SPO11: variants seen among roughly 807,000 people sequenced by gnomAD.
The protein encoded by SPO11 is SPO11 initiator of meiotic double strand breaks.
A neutral mutation model predicts 51.6 loss-of-function variants in SPO11; 49 were observed. The observed-to-expected ratio is 0.95, with a 90% CI of 0.75 to 1.20. SPO11 has a LOEUF of 1.20. Among genes scored for constraint, SPO11 ranks in the 50% most tolerant of loss-of-function variants. The pLI is 0.00. For synonymous variants in SPO11, 176 were observed against 158.2 expected, an observed-to-expected ratio of 1.11 and a Z score of -0.84; for missense variants, 431 against 473.4, an observed-to-expected ratio of 0.91 and a Z score of 0.83.
intron 10 of SPO11, among the ~76,000 whole-genome samples, chr20:57,339,851 G>A (rs922065614): frequency 2.6e-5 from 4 of 152,060 alleles, no homozygotes; most frequent in East Asian, 1.9e-4. Flanking sequence ...CCATCCTCCC[G>A]CCTTGGTCTC....
chr20:57,333,046 C>G (rs2066467978), intron 2 of SPO11, 142 bp from the exon 3 acceptor site: 1 of 593,036 alleles, frequency 1.7e-6, no homozygotes, highest in Non-Finnish European at 2.9e-6. Context: ...TGCTCTCAAA[C>G]CAGTTGATCC....
At chr20:57,336,458 C>T (rs116286539) in intron 8 of SPO11, among the ~76,000 whole-genome samples, 228 of 152,320 alleles carry the variant, frequency 1.5e-3, no homozygotes, top group African/African-American at 5.2e-3. Flanking sequence ...AATTATCTCT[C>T]ATCCCTGCCA....
Position 57,333,724 on chromosome 20 carries a change from A to G in SPO11, c.372A>G (p.Leu124=), listed in dbSNP as rs747819852. The G allele has an allele frequency of 9.2e-6, 14 of 1,513,838 alleles. No individual in the cohort carries two copies. Among genetic ancestry groups the G allele is most frequent in the Middle Eastern group, 1.7e-4 (1 of 5,874 alleles). 93.8% of individuals were successfully genotyped at this position (1,513,838 alleles called of 1,614,324 possible). Residue 124 remains leucine, a synonymous_variant, in exon 4 of 13, where the codon TTA becomes TTG. Transcript: ENST00000371263. ...ILKILSMIYK[L]VQSNTYATKR... is the part of the protein sequence containing the mutation. ...AAATATTGTCCATGATTTATAAATT[A>G]GTACAGAGCAACACTTATGCAACCA...
chr20:57,332,325 G>A, intron 2 of SPO11, among the ~76,000 whole-genome samples: 1 of 152,282 alleles, frequency 6.6e-6, no homozygotes, highest in Non-Finnish European at 1.5e-5. Context: ...CAAACCACTT[G>A]CTCAGGGGAA....
rs1421922767 is a variant in SPO11 at position 57,335,799 on chromosome 20, TTTAG to T, written c.640_643del (p.Val214GlnfsTer7). 6.3e-7 allele frequency: 1 copy of T among 1,582,420 alleles called. No homozygotes were observed. The highest frequency in any genetic ancestry group is 8.7e-7 in the Non-Finnish European group (1 of 1,153,388). On this transcript the variant is annotated frameshift_variant and splice_region_variant, in exon 8 of 13. Transcript: ENST00000371263. LOFTEE classifies it high-confidence loss of function. ...AATTTATCAGCCTTAACTTCACAGA[TTTAG>T]TTACAGATGCAAAGTTTGTATTAAT...
Position 57,331,837 on chromosome 20 carries a change from G to C in SPO11, c.136G>C (p.Glu46Gln). ...TGGSRLASSS[E>Q]VLASIENIIQ... ...ATGCTCTGTTTATTGTTTCAGTTCT[G>C]AGGTTCTTGCATCTATAGAAAATAT... Residue 46 changes from glutamate to glutamine, a missense_variant, in exon 2 of 13, where the codon GAG becomes CAG. Glu to Gln is a conservative substitution (Grantham distance 29). Around this residue, in one of 3 missense-constraint regions of SPO11, gnomAD observed 405 missense variants for 425.9 expected, o/e 0.95. Coordinates refer to ENST00000371263, the MANE Select transcript of SPO11 (RefSeq NM_012444.3). 1 of 1,557,950 alleles carries C rather than the reference G, an allele frequency of 6.4e-7. No individual in the cohort carries two copies. Among genetic ancestry groups the C allele is most frequent in the Non-Finnish European group, 8.7e-7 (1 of 1,149,996 alleles).
chr20:57,333,560 C>A, intron 3 of SPO11, 127 bp from the exon 4 acceptor site: 1 of 676,824 alleles, frequency 1.5e-6, no homozygotes, highest in South Asian at 1.8e-5. Context: ...CTGTACTTAA[C>A]CCTCCCATTT....
Position 57,335,925 on chromosome 20 carries a change from A to G in SPO11, c.744+18A>G. On this transcript the variant is annotated intron_variant, in intron 8 of 12. Coordinates refer to ENST00000371263, the MANE Select transcript of SPO11 (RefSeq NM_012444.3). ...TGATTACGGTATATTATCTAACTTTACTACAATTCCAAGACTAATGTATAC... is the reference window on the plus strand; with the variant it reads ...TGATTACGGTATATTATCTAACTTTGCTACAATTCCAAGACTAATGTATAC... The G allele has an allele frequency of 7.0e-7, 1 of 1,420,252 alleles. No homozygotes were observed. The highest frequency in any genetic ancestry group is 9.9e-7 in the Non-Finnish European group (1 of 1,005,592). 88.0% of individuals were successfully genotyped at this position (1,420,252 alleles called of 1,614,324 possible). A position where few individuals can be genotyped will look rare whatever the true frequency, so the allele number is the denominator to read the frequency against.
rs779238568 is a variant in SPO11, at chr20:57,335,441, T to G, written c.620T>G (p.Ile207Ser). The change falls in exon 7 of 13, where the codon ATT becomes AGT. Residue 207 changes from isoleucine to serine, a missense_variant. Around this residue, in one of 3 missense-constraint regions of SPO11, gnomAD observed 405 missense variants for 425.9 expected, o/e 0.95. Transcript: ENST00000371263. Reference sequence around the variant, plus strand: ...AAGGCTGTTGCTGTGCCATCGAATATTCAAGGAATTCGGAGTATCCTTTAA... The same window carrying G: ...AAGGCTGTTGCTGTGCCATCGAATAGTCAAGGAATTCGGAGTATCCTTTAA... ...GATAVAVPSN[I>S]QGIRNLVTDA... 1.9e-6 allele frequency: 3 copies of G among 1,610,950 alleles called. No individual in the cohort carries two copies. Among genetic ancestry groups the G allele is most frequent in the East Asian group, 4.5e-5 (2 of 44,830 alleles).
intron 2 of SPO11, among the ~76,000 whole-genome samples, chr20:57,332,488 G>A (rs1447457937): frequency 1.3e-5 from 2 of 152,144 alleles, no homozygotes; most frequent in African/African-American, 4.8e-5. Context: ...CTTGAACCTA[G>A]TTATACCGGT....
Position 57,343,466 on chromosome 20 carries a change from A to T in SPO11, c.*6A>T. On this transcript the variant is annotated 3_prime_UTR_variant, in exon 13 of 13. Transcript: ENST00000371263. The stretch of plus-strand genomic sequence containing the variant: ...AATTTGGAGGATGGATATAAAAATA[A>T]ATCAGAAGAACTTCTGATTGCCAGA... 1 of 1,587,466 alleles carries T rather than the reference A, an allele frequency of 6.3e-7. No homozygotes were observed. The highest frequency in any genetic ancestry group is 8.5e-7 in the Non-Finnish European group (1 of 1,172,200).
Position 57,329,964 on chromosome 20 carries a change from G to C in SPO11, c.97G>C (p.Glu33Gln). 1 of 1,610,780 alleles carries C rather than the reference G, an allele frequency of 6.2e-7. No homozygotes were observed. Among genetic ancestry groups the C allele is most frequent in the Non-Finnish European group, 8.5e-7 (1 of 1,179,116 alleles). The change falls in exon 1 of 13, where the codon GAG becomes CAG. Residue 33 changes from glutamate to glutamine, a missense_variant. By Grantham distance (29) the Glu-to-Gln change is conservative (BLOSUM62 2). This residue lies in a region of SPO11 where 405 missense variants were observed against 425.9 expected (regional missense o/e 0.95). Transcript: ENST00000371263. The stretch of plus-strand genomic sequence containing the variant: ...GGCTGCCCTGAGGAGAGGTGGCAGG[G>C]AGCCCCCAACTGGGGGAAGCCGCCT... ...LLAALRRGGREPPTGGSRLAS... is the reference protein window; with the variant it reads ...LLAALRRGGRQPPTGGSRLAS...
chr20:57,336,261 T>C (rs1600682458), intron 8 of SPO11, among the ~76,000 whole-genome samples: 1 of 152,208 alleles, frequency 6.6e-6, no homozygotes, highest in African/African-American at 2.4e-5. Context: ...TGGCTATCAG[T>C]GCAGACACTG....
intron 10 of SPO11, 76 bp downstream of exon 10, chr20:57,339,102 T>C: frequency 9.8e-7 from 1 of 1,017,992 alleles, no homozygotes; most frequent in South Asian, 1.7e-5. Context: ...CTGCATTTAT[T>C]AATCACCCCC....
At position 57,340,105 on chromosome 20, in the gene SPO11, A is replaced by C. The variant is rs1302549882; in HGVS notation, c.886A>C (p.Met296Leu). 6.2e-7 allele frequency: 1 copy of C among 1,606,304 alleles called. No individual in the cohort carries two copies. Among genetic ancestry groups the C allele is most frequent in the African/African-American group, 1.3e-5 (1 of 74,906 alleles). Residue 296 changes from methionine to leucine, a missense_variant, in exon 11 of 13, where the codon ATG (methionine) becomes CTG (leucine). This residue lies in a region of SPO11 where 405 missense variants were observed against 425.9 expected (regional missense o/e 0.95). Transcript: ENST00000371263. ...MCIYKYGSMSMSFEAHHLTVP... is the reference protein window; with the variant it reads ...MCIYKYGSMSLSFEAHHLTVP... ...ATACTTTTGTTCTTTATTTTAGTCT[A>C]TGTCTTTTGAAGCTCATCATCTCAC...
intron 6 of SPO11, 97 bp from the exon 7 acceptor site, chr20:57,335,322 G>T: frequency 4.0e-6 from 4 of 992,586 alleles, no homozygotes; most frequent in South Asian, 3.2e-5. Context: ...CTGATGACTG[G>T]TATGGTCAAA....
intron 9 of SPO11, 49 bp from the exon 10 acceptor site, chr20:57,338,940 C>T: frequency 8.3e-7 from 1 of 1,210,074 alleles, no homozygotes. Flanking sequence ...TGCAAATTAA[C>T]CTGTAATATG....
At position 57,338,348 on chromosome 20, in the gene SPO11, T is replaced by C; in HGVS notation, c.817T>C (p.Phe273Leu). ...GTGGGATACATTTCATGTTCCTGTT[T>C]TCACTCTTGTAGATGCTGATCCACA... Reference protein sequence around the residue: ...KLWDTFHVPVFTLVDADPHGI... With the variant: ...KLWDTFHVPVLTLVDADPHGI... Residue 273 changes from phenylalanine (F) to leucine (L), a missense_variant, in exon 9 of 13, where the codon TTC becomes CTC. Transcript: ENST00000371263. 6.2e-7 allele frequency: 1 copy of C among 1,613,540 alleles called. No homozygotes were observed. Among genetic ancestry groups the C allele is most frequent in the South Asian group, 1.1e-5 (1 of 91,058 alleles).
chr20:57,342,505 A>G (rs554899295), intron 11 of SPO11, among the ~76,000 whole-genome samples: 2 of 152,316 alleles, frequency 1.3e-5, no homozygotes, highest in African/African-American at 4.8e-5. Flanking sequence ...GAAAACAAAA[A>G]CTTTAGAATC....
Sources: allele counts gnomAD v4.1 joint callset (sites outside exome capture counted in the v4.1 genomes callset), GRCh38; gene constraint gnomAD v4.1.1; regional missense constraint gnomAD v4.1.1; transcripts MANE v1.5; gene names NCBI Gene and HGNC (gene_info 2026-07-23, HGNC 2026-07-21).